OR2T27: variants seen among roughly 807,000 people sequenced by gnomAD.
The protein encoded by OR2T27 is olfactory receptor family 2 subfamily T member 27.
For synonymous variants in OR2T27, 51 were observed against 152.9 expected (o/e 0.33, Z 4.92); for missense variants, 152 against 397.2 (o/e 0.38, Z 5.25).
intron 1 of OR2T27, among the ~76,000 whole-genome samples, chr1:248,653,802 C>T (rs77533272): frequency 3.6e-5 from 1 of 27,958 alleles, no homozygotes; most frequent in Non-Finnish European, 1.7e-3. Context: ...CGAGATTAGT[C>T]TATAGATTTT....
At position 248,655,499 on chromosome 1, in the gene OR2T27, C is replaced by CA. The variant is rs1661099942; in HGVS notation, c.-61dup. 1 of 95,016 alleles carries CA rather than the reference C, an allele frequency of 1.1e-5. No homozygotes were observed. The highest frequency in any genetic ancestry group is 2.8e-5 in the African/African-American group (1 of 35,258). The allele number at this position is 95,016 out of a possible 1,614,324, so 5.9% of individuals were successfully genotyped here. A position where few individuals can be genotyped will look rare whatever the true frequency, so the allele number is the denominator to read the frequency against. On this transcript the variant is annotated 5_prime_UTR_variant, in exon 1 of 2. It introduces an in-frame stop codon into an upstream open reading frame of the 5' UTR. Transcript: ENST00000460972. ...TCTGAATATTTAGAGAGAAACCTTA[C>CA]AGAACTAAGGTAGTACATGCAATTG...
In OR2T27 at chr1:248,655,371, C is replaced by G. The variant is rs1369853248; in HGVS notation, c.-5+73G>C. 2.4e-5 allele frequency: 3 copies of G among 123,266 alleles called. 1 individual carries two copies. In the East Asian group the frequency reaches 8.2e-4, roughly 34 times the overall value. The allele number at this position is 123,266 out of a possible 1,614,324, so 7.6% of individuals were successfully genotyped here. A position where few individuals can be genotyped will look rare whatever the true frequency, so the allele number is the denominator to read the frequency against. ...TCTCCAGTATTTCTCTGGTTTGAACCAAAACTTTCTAGGAAGTCCAGAATC... is the reference window on the plus strand; with the variant it reads ...TCTCCAGTATTTCTCTGGTTTGAACGAAAACTTTCTAGGAAGTCCAGAATC... On this transcript the variant is annotated intron_variant, in intron 1 of 1. Coordinates refer to ENST00000460972, the MANE Select transcript of OR2T27 (RefSeq NM_001001824.2).
At chr1:248,653,739 A>G (rs1217929818) in intron 1 of OR2T27, among the ~76,000 whole-genome samples, 1 of 108,340 alleles carries the variant, frequency 9.2e-6, no homozygotes, top group East Asian at 3.3e-4. Context: ...AACATAGTGT[A>G]TATTTTGGCT....
At chr1:248,653,808 ATTTT>A (rs74164205) in intron 1 of OR2T27, among the ~76,000 whole-genome samples, 12,739 of 137,990 alleles carry the variant, frequency 0.092, 1,744 homozygotes, top group East Asian at 0.29. Context: ...TAGTCTATAG[ATTTT>A]TATTTTTTAT....
At chr1:248,651,354 C>T (rs200547475) in intron 1 of OR2T27, 21,307 of 61,156 alleles carry the variant, frequency 0.35, 3,408 homozygotes, top group South Asian at 0.43. Context: ...GGAAGAATAA[C>T]TGCATTATTT....
In OR2T27 at chr1:248,650,005, T is replaced by C. The variant is rs1384071813; in HGVS notation, c.880A>G (p.Asn294Asp). The change falls in exon 2 of 2, where the codon AAC becomes GAC. Residue 294 changes from asparagine (N) to aspartate (D), a missense_variant. By Grantham distance (23) the Asn-to-Asp change is conservative. Transcript: ENST00000460972. ...TGTAGGGCCCCTGTGACATCCTTGT[T>C]CCTAAGGCTGTAAATGAGTGGATTG... is the stretch of plus-strand genomic sequence containing the variant. ...MLNPLIYSLR[N>D]KDVTGALQKV... The C allele has an allele frequency of 1.9e-6, 3 of 1,576,030 alleles. 1 individual carries two copies. The highest frequency in any genetic ancestry group is 2.6e-6 in the Non-Finnish European group (3 of 1,157,708).
Position 248,650,085 on chromosome 1 carries a change from G to T in OR2T27, c.800C>A (p.Thr267Asn), listed in dbSNP as rs756636325. Residue 267 changes from threonine to asparagine, a missense_variant, in exon 2 of 2, where the codon ACC becomes AAC. Transcript: ENST00000460972. ...AGATACAGCTTTGTCCTGCTCAGGG[G>T]TGTGGTAAGAATGAGGCAGCACGTA... ...YTYVLPHSYHTPEQDKAVSAF... is the reference protein window; with the variant it reads ...YTYVLPHSYHNPEQDKAVSAF... 1.3e-6 allele frequency: 2 copies of T among 1,573,364 alleles called. No individual in the cohort carries two copies. Among genetic ancestry groups the T allele is most frequent in the Admixed American group, 1.7e-5 (1 of 58,480 alleles).
rs1558180624 is a variant in OR2T27, at chr1:248,650,068, C to G, written c.817G>C (p.Ala273Pro). Residue 273 changes from alanine (A) to proline (P), a missense_variant, in exon 2 of 2, where the codon GCT (alanine) becomes CCT (proline). By Grantham distance (27) the Ala-to-Pro change is conservative. Transcript: ENST00000460972. ...HSYHTPEQDK[A>P]VSAFYTILTP... ...AGGATGGTGTAGAAGGCAGATACAGCTTTGTCCTGCTCAGGGGTGTGGTAA... is the reference window on the plus strand; with the variant it reads ...AGGATGGTGTAGAAGGCAGATACAGGTTTGTCCTGCTCAGGGGTGTGGTAA... 4 of 1,573,412 alleles carry G rather than the reference C, an allele frequency of 2.5e-6. No individual in the cohort carries two copies. The highest frequency in any genetic ancestry group is 2.6e-6 in the Non-Finnish European group (3 of 1,153,908).
chr1:248,652,176 AGG>A (rs1370302387), intron 1 of OR2T27, among the ~76,000 whole-genome samples: 3 of 67,288 alleles, frequency 4.5e-5, no homozygotes, highest in Non-Finnish European at 1.1e-4. Flanking sequence ...CAAAAAATTT[AGG>A]TGTGTACCAA....
In OR2T27 at chr1:248,649,993, T is replaced by TGA. The variant is rs1334507990; in HGVS notation, c.890_891dup (p.Thr298SerfsTer18). The TGA allele has an allele frequency of 6.3e-7, 1 of 1,577,336 alleles. No individual in the cohort carries two copies. The highest frequency in any genetic ancestry group is 8.6e-7 in the Non-Finnish European group (1 of 1,157,736). On this transcript the variant is annotated frameshift_variant, in exon 2 of 2. Coordinates refer to ENST00000460972, the MANE Select transcript of OR2T27 (RefSeq NM_001001824.2). LOFTEE classifies it low-confidence loss of function (END_TRUNC). ...CCCACAACCTTCTGTAGGGCCCCTGTGACATCCTTGTTCCTAAGGCTGTAA... is the reference window on the plus strand; with the variant it reads ...CCCACAACCTTCTGTAGGGCCCCTGTGAGACATCCTTGTTCCTAAGGCTGTAA...
intron 1 of OR2T27, among the ~76,000 whole-genome samples, chr1:248,652,714 T>G (rs1364100321): frequency 1.4e-5 from 1 of 70,946 alleles, no homozygotes; most frequent in African/African-American, 3.4e-5. Flanking sequence ...CATGCCACAG[T>G]GGATGGATGG....
Position 248,649,977 on chromosome 1 carries a change from T to C in OR2T27, c.908A>G (p.Lys303Arg). Residue 303 changes from lysine (K) to arginine (R), a missense_variant, in exon 2 of 2, where the codon AAG (lysine) becomes AGG (arginine). Lys to Arg is a conservative substitution (Grantham distance 26). Transcript: ENST00000460972. Reference sequence around the variant, plus strand: ...TGAGGACACACACCTCCCCACAACCTTCTGTAGGGCCCCTGTGACATCCTT... The same window carrying C: ...TGAGGACACACACCTCCCCACAACCCTCTGTAGGGCCCCTGTGACATCCTT... Reference protein sequence around the residue: ...RNKDVTGALQKVVGRCVSSGK... With the variant: ...RNKDVTGALQRVVGRCVSSGK... 3 of 1,579,224 alleles carry C rather than the reference T, an allele frequency of 1.9e-6. 1 individual carries two copies. Among genetic ancestry groups the C allele is most frequent in the Non-Finnish European group, 2.6e-6 (3 of 1,157,626 alleles).
intron 1 of OR2T27, among the ~76,000 whole-genome samples, chr1:248,652,537 G>A (rs1661043982): frequency 8.0e-6 from 1 of 124,706 alleles, no homozygotes; most frequent in African/African-American, 2.7e-5. Context: ...GCACATGAAC[G>A]TGTGTTGTGT....
chr1:248,650,248 C>G lies in OR2T27; in HGVS notation c.637G>C (p.Val213Leu), dbSNP rs1177953535. ...CIMMLLIPFSVISGSYTRILI... is the reference protein window; with the variant it reads ...CIMMLLIPFSLISGSYTRILI... ...ATTCTTGTGTAAGAGCCCGAGATGA[C>G]AGAGAAAGGGATGAGGAGCATCATA... The change falls in exon 2 of 2, where the codon GTC (valine) becomes CTC (leucine). Residue 213 changes from valine (V) to leucine (L), a missense_variant. Val to Leu is a conservative substitution (Grantham distance 32). Coordinates refer to ENST00000460972, the MANE Select transcript of OR2T27 (RefSeq NM_001001824.2). 1 of 820,820 alleles carries G rather than the reference C, an allele frequency of 1.2e-6. No individual in the cohort carries two copies. The highest frequency in any genetic ancestry group is 1.5e-5 in the African/African-American group (1 of 67,362). The allele number at this position is 820,820 out of a possible 1,614,324, so 50.8% of individuals were successfully genotyped here. A position where few individuals can be genotyped will look rare whatever the true frequency, so the allele number is the denominator to read the frequency against.
chr1:248,650,901 C>G lies in OR2T27; in HGVS notation c.-4-13G>C. On this transcript the variant is annotated splice_polypyrimidine_tract_variant and intron_variant, in intron 1 of 1. Coordinates refer to ENST00000460972, the MANE Select transcript of OR2T27 (RefSeq NM_001001824.2). ...CTGCTCCATAGCTCTGTAGGGTACA[C>G]AAAAGAGATATGACAAAGTTGGAAA... The G allele has an allele frequency of 1.4e-6, 2 of 1,444,864 alleles. No individual in the cohort carries two copies. Among genetic ancestry groups the G allele is most frequent in the Non-Finnish European group, 1.9e-6 (2 of 1,067,716 alleles). The allele number at this position is 1,444,864 out of a possible 1,614,324, so 89.5% of individuals were successfully genotyped here. A position where few individuals can be genotyped will look rare whatever the true frequency, so the allele number is the denominator to read the frequency against.
At chr1:248,651,994 A>AT (rs1314894370) in intron 1 of OR2T27, among the ~76,000 whole-genome samples, 12 of 139,316 alleles carry the variant, frequency 8.6e-5, no homozygotes, top group African/African-American at 3.4e-4. Context: ...AGTTTCACCT[A>AT]TTTTTTACAT....
chr1:248,651,888 A>AAC (rs1236148240), intron 1 of OR2T27, among the ~76,000 whole-genome samples: 1 of 5,078 alleles, frequency 2.0e-4, no homozygotes, highest in African/African-American at 2.1e-4. Context: ...GCACAAAGTT[A>AAC]ATTCAAACAC....
rs746154619 is a variant in OR2T27 at position 248,650,102 on chromosome 1, C to T, written c.783G>A (p.Leu261=). Residue 261 remains leucine, a synonymous_variant, in exon 2 of 2, where the codon CTG becomes CTA. Coordinates refer to ENST00000460972, the MANE Select transcript of OR2T27 (RefSeq NM_001001824.2). ...GCTCAGGGGTGTGGTAAGAATGAGGCAGCACGTATGTGTACATGGCAGCCC... is the reference window on the plus strand; with the variant it reads ...GCTCAGGGGTGTGGTAAGAATGAGGTAGCACGTATGTGTACATGGCAGCCC... ...FYGAAMYTYV[L]PHSYHTPEQD... 1 of 1,571,582 alleles carries T rather than the reference C, an allele frequency of 6.4e-7. No homozygotes were observed. Among genetic ancestry groups the T allele is most frequent in the South Asian group, 1.1e-5 (1 of 88,494 alleles).
In OR2T27 at chr1:248,650,127, C is replaced by G. The variant is rs751139599; in HGVS notation, c.758G>C (p.Gly253Ala). 7.8e-5 allele frequency: 122 copies of G among 1,567,102 alleles called. 3 individuals carry two copies. Among genetic ancestry groups the G allele is most frequent in the Non-Finnish European group, 1.0e-4 (116 of 1,148,322 alleles). ...CAGCACGTATGTGTACATGGCAGCC[C>G]CATAGAAGAGGCTGACAACCACCAT... The part of the protein sequence containing the change: ...SHMVVVSLFY[G>A]AAMYTYVLPH... The change falls in exon 2 of 2, where the codon GGG (glycine) becomes GCG (alanine). Residue 253 changes from glycine (G) to alanine (A), a missense_variant. Transcript: ENST00000460972.
Sources: allele counts gnomAD v4.1 joint callset (sites outside exome capture counted in the v4.1 genomes callset), GRCh38; gene constraint gnomAD v4.1.1; transcripts MANE v1.5; gene names NCBI Gene and HGNC (gene_info 2026-07-23, HGNC 2026-07-21).